DMTN: variants seen among roughly 807,000 people sequenced by gnomAD.
The protein encoded by DMTN is dematin actin binding protein.
In DMTN, 27 loss-of-function variants were observed where a neutral mutation model predicts 59.4. That is an observed-to-expected ratio of 0.45 (90% CI 0.33 to 0.63). The LOEUF is 0.63. Ranked by LOEUF, DMTN falls within the 20% of genes least tolerant of loss-of-function variation. DMTN has a pLI of 0.02. For synonymous variants in DMTN, 221 were observed against 203.7 expected (o/e 1.08, Z -0.72); for missense variants, 451 against 528.9 (o/e 0.85, Z 1.45).
At chr8:22,069,085 T>TTGCCC (rs773385252) in intron 5 of DMTN, 25 bp downstream of exon 5, 42 of 1,607,918 alleles carry the variant, frequency 2.6e-5, no homozygotes, top group African/African-American at 5.4e-5. Context: ...CACCTGCAAC[T>TTGCCC]TGCCCTGCCC....
intron 8 of DMTN, 23 bp from the exon 9 acceptor site, chr8:22,072,303 C>A: frequency 6.3e-7 from 1 of 1,586,570 alleles, no homozygotes; most frequent in East Asian, 2.3e-5. Flanking sequence ...GACTCCCTCC[C>A]CACCTTTGCT....
chr8:22,081,986 C>T lies in DMTN; in HGVS notation c.*523C>T, dbSNP rs1482574291. 1.5e-5 allele frequency: 7 copies of T among 456,884 alleles called. No homozygotes were observed. The highest frequency in any genetic ancestry group is 3.1e-5 in the Non-Finnish European group (7 of 227,050). The allele number at this position is 456,884 out of a possible 1,614,324, so 28.3% of individuals were successfully genotyped here. On this transcript the variant is annotated 3_prime_UTR_variant, in exon 16 of 16. Coordinates refer to ENST00000358242, the MANE Select transcript of DMTN (RefSeq NM_001387751.1). Reference sequence around the variant, plus strand: ...CTCAGCCTCCGGCAGGGAGGTCACCCCTCCACTTCAGCTTGCCCTGACCTC... The same window carrying T: ...CTCAGCCTCCGGCAGGGAGGTCACCTCTCCACTTCAGCTTGCCCTGACCTC...
At position 22,073,722 on chromosome 8, in the gene DMTN, C is replaced by T; in HGVS notation, c.730-8C>T. ...GTCTTGGCTCCATCTTCCTTTCTCC[C>T]TCCTCAGGTTACTTCCAACTTGGGA... On this transcript the variant is annotated splice_polypyrimidine_tract_variant and splice_region_variant and intron_variant, in intron 9 of 15. Transcript: ENST00000358242. 1.2e-6 allele frequency: 2 copies of T among 1,602,874 alleles called. No individual in the cohort carries two copies. Among genetic ancestry groups the T allele is most frequent in the Non-Finnish European group, 1.7e-6 (2 of 1,170,460 alleles).
upstream of DMTN, among the ~76,000 whole-genome samples, chr8:22,050,147 G>A (rs1050388338): frequency 1.3e-5 from 2 of 152,306 alleles, no homozygotes; most frequent in East Asian, 3.9e-4. Flanking sequence ...CGCCGTGTTG[G>A]GGGTAGTTTT....
At position 22,072,422 on chromosome 8, in the gene DMTN, G is replaced by A; in HGVS notation, c.701G>A (p.Arg234Lys). ...TCTGGAGAGGAGATGAAGGCTCTCA[G>A]GGAGCGTCAGAGAGAGGAACTCAGT... ...DDSGEEMKALRERQREELSKV... is the reference protein window; with the variant it reads ...DDSGEEMKALKERQREELSKV... The change falls in exon 9 of 16, where the codon AGG becomes AAG. Residue 234 changes from arginine (R) to lysine (K), a missense_variant. By Grantham distance (26) the Arg-to-Lys change is conservative. Coordinates refer to ENST00000358242, the MANE Select transcript of DMTN (RefSeq NM_001387751.1). 6.3e-7 allele frequency: 1 copy of A among 1,582,140 alleles called. No individual in the cohort carries two copies. Among genetic ancestry groups the A allele is most frequent in the Non-Finnish European group, 8.6e-7 (1 of 1,162,876 alleles).
intron 1 of DMTN, among the ~76,000 whole-genome samples, chr8:22,065,501 G>A (rs747129032): frequency 3.3e-5 from 5 of 152,154 alleles, no homozygotes; most frequent in African/African-American, 4.8e-5. Context: ...GAAGGCTGGA[G>A]GCACCTGAGA....
intron 1 of DMTN, among the ~76,000 whole-genome samples, chr8:22,057,711 C>T (rs761259426): frequency 1.2e-4 from 18 of 152,180 alleles, no homozygotes; most frequent in East Asian, 1.9e-4. Context: ...CCCCTGTGCC[C>T]GCCGCTGGGG....
chr8:22,072,354 T>G lies in DMTN; in HGVS notation c.633T>G (p.Ser211=), dbSNP rs772166070. The change falls in exon 9 of 16, where the codon TCT becomes TCG. Residue 211 remains serine, a synonymous_variant. Coordinates refer to ENST00000358242, the MANE Select transcript of DMTN (RefSeq NM_001387751.1). The stretch of plus-strand genomic sequence containing the variant: ...CAGAATGGAGGAAGCGGAAGGCGTC[T>G]CGGAGGGGAGCAGAGGAAGAGGAGG... ...VETEWRKRKA[S]RRGAEEEEEE... is the part of the protein sequence containing the mutation. 6.2e-7 allele frequency: 1 copy of G among 1,604,094 alleles called. No individual in the cohort carries two copies. Among genetic ancestry groups the G allele is most frequent in the South Asian group, 1.1e-5 (1 of 89,484 alleles).
In DMTN at chr8:22,080,778, G is replaced by A. The variant is rs751539832; in HGVS notation, c.958-27G>A. 8.7e-6 allele frequency: 14 copies of A among 1,605,848 alleles called. No individual in the cohort carries two copies. The South Asian group carries it at 1.5e-4, about 17-fold the overall frequency. On this transcript the variant is annotated intron_variant, in intron 13 of 15. Transcript: ENST00000358242. ...TGGGAAGGTCTCCCTGCCCCGCTCTGGCTCACTGCGGCTTTGGTCTCCCCA... is the reference window on the plus strand; with the variant it reads ...TGGGAAGGTCTCCCTGCCCCGCTCTAGCTCACTGCGGCTTTGGTCTCCCCA...
At chr8:22,062,352 C>T (rs1021605725) in intron 1 of DMTN, among the ~76,000 whole-genome samples, 22 of 152,212 alleles carry the variant, frequency 1.4e-4, no homozygotes, top group African/African-American at 4.3e-4. Flanking sequence ...CCCACCTCTG[C>T]GTCCCAAAGT....
chr8:22,076,442 A>G (rs1819838984), intron 10 of DMTN, among the ~76,000 whole-genome samples: 1 of 152,008 alleles, frequency 6.6e-6, no homozygotes, highest in South Asian at 2.1e-4. Flanking sequence ...CTGTCTCTAT[A>G]AAAAATAGAA....
intron 10 of DMTN, among the ~76,000 whole-genome samples, chr8:22,078,835 C>T (rs7388142): frequency 0.96 from 129,327 of 135,216 alleles, 61,888 homozygotes; most frequent in East Asian, 0.99. Flanking sequence ...CTCGCTCTAT[C>T]ACCCAGGCTG....
At chr8:22,049,569 A>ACCC (rs56893612), upstream of DMTN, among the ~76,000 whole-genome samples, 54 of 126,548 alleles carry the variant, frequency 4.3e-4, no homozygotes, top group African/African-American at 1.3e-3. Flanking sequence ...CGCAGGGACA[A>ACCC]CCCCCCCCCC....
At position 22,082,312 on chromosome 8, in the gene DMTN, C is replaced by T. The variant is rs2131638702; in HGVS notation, c.*849C>T. 1.4e-5 allele frequency: 6 copies of T among 444,338 alleles called. No homozygotes were observed. The highest frequency in any genetic ancestry group is 7.9e-5 in the South Asian group (5 of 63,352). The allele number at this position is 444,338 out of a possible 1,614,324, so 27.5% of individuals were successfully genotyped here. ...CTCTCAAGAATGTAATTTATTGGGG[C>T]CCCCCCAGCTGCTTTCCTCACCTGC... is the stretch of plus-strand genomic sequence containing the variant. On this transcript the variant is annotated 3_prime_UTR_variant, in exon 16 of 16. Transcript: ENST00000358242.
rs1180064066 is a variant in DMTN at position 22,082,010 on chromosome 8, T to C, written c.*547T>C. 6.6e-6 allele frequency: 3 copies of C among 456,742 alleles called. No homozygotes were observed. Among genetic ancestry groups the C allele is most frequent in the Non-Finnish European group, 1.3e-5 (3 of 227,016 alleles). 28.3% of individuals were successfully genotyped at this position (456,742 alleles called of 1,614,324 possible). A position where few individuals can be genotyped will look rare whatever the true frequency, so the allele number is the denominator to read the frequency against. On this transcript the variant is annotated 3_prime_UTR_variant, in exon 16 of 16. Transcript: ENST00000358242. ...CCCTCCACTTCAGCTTGCCCTGACC[T>C]CCGCTCGCAAACCCCGAGCTTCCAA...
chr8:22,077,925 T>C (rs1820955263), intron 10 of DMTN, among the ~76,000 whole-genome samples: 1 of 152,196 alleles, frequency 6.6e-6, no homozygotes, highest in African/African-American at 2.4e-5. Context: ...TGAATAAATG[T>C]GTACTTATTA....
upstream of DMTN, among the ~76,000 whole-genome samples, chr8:22,052,530 A>C (rs184076421): frequency 6.6e-5 from 10 of 152,246 alleles, no homozygotes; most frequent in East Asian, 1.9e-3. Flanking sequence ...TCCTGTGCTA[A>C]TCCTTCTGTT....
At chr8:22,061,242 C>T (rs1301074244) in intron 1 of DMTN, among the ~76,000 whole-genome samples, 2 of 144,486 alleles carry the variant, frequency 1.4e-5, no homozygotes, top group Non-Finnish European at 3.0e-5. Context: ...ATGATCATGC[C>T]ACAGTGCTCC....
At chr8:22,066,603 A>C in intron 1 of DMTN, 102 bp from the exon 2 acceptor site, 3 of 325,020 alleles carry the variant, frequency 9.2e-6, no homozygotes, top group South Asian at 1.1e-4. Context: ...GCGGATGGGA[A>C]GCCTCAGCCG....
Sources: allele counts gnomAD v4.1 joint callset (sites outside exome capture counted in the v4.1 genomes callset), GRCh38; gene constraint gnomAD v4.1.1; transcripts MANE v1.5; gene names NCBI Gene and HGNC (gene_info 2026-07-23, HGNC 2026-07-21).